SHKBP1: variants seen among roughly 807,000 people sequenced by gnomAD.
SHKBP1 encodes SH3KBP1 binding protein 1.
SHKBP1 carries 71 observed loss-of-function variants against 83.9 expected under a neutral mutation model. The observed-to-expected ratio is 0.85, with a 90% CI of 0.70 to 1.03. The LOEUF is 1.03. Among genes scored for constraint, SHKBP1 ranks in the 50% least tolerant of loss-of-function variants. SHKBP1 has a pLI of 0.00. For missense variants in SHKBP1, 824 were observed against 982.4 expected (o/e 0.84, Z 2.16); for synonymous variants, 371 against 398.0 (o/e 0.93, Z 0.81).
rs867695405 is a variant in SHKBP1 at position 40,578,180 on chromosome 19, A to T, written c.287A>T (p.His96Leu). The change falls in exon 5 of 18, where the codon CAT becomes CTT. Residue 96 changes from histidine to leucine, a missense_variant. Transcript: ENST00000291842. ...GGTGTCCACGGTTCCAGCCTCCTCCATGAAGCCCAGTTCTATGGGCTCACT... is the reference window on the plus strand; with the variant it reads ...GGTGTCCACGGTTCCAGCCTCCTCCTTGAAGCCCAGTTCTATGGGCTCACT... ...PRGVHGSSLL[H>L]EAQFYGLTPL... 6.2e-7 allele frequency: 1 copy of T among 1,614,100 alleles called. No homozygotes were observed. Among genetic ancestry groups the T allele is most frequent in the East Asian group, 2.2e-5 (1 of 44,888 alleles).
At position 40,588,792 on chromosome 19, in the gene SHKBP1, T is replaced by A. The variant is rs1301009814; in HGVS notation, c.1492+13T>A. On this transcript the variant is annotated intron_variant, in intron 14 of 17. Transcript: ENST00000291842. The stretch of plus-strand genomic sequence containing the variant: ...GGCAATGACATTGGTGCCTACTGGC[T>A]CCTGGCCTTCCCACCCCACTGACCC... 6.2e-7 allele frequency: 1 copy of A among 1,611,396 alleles called. No individual in the cohort carries two copies. Among genetic ancestry groups the A allele is most frequent in the Admixed American group, 1.7e-5 (1 of 59,978 alleles).
intron 4 of SHKBP1, 107 bp downstream of exon 4, chr19:40,577,737 T>C (rs2081230543): frequency 7.2e-7 from 1 of 1,384,920 alleles, no homozygotes; most frequent in Non-Finnish European, 1.0e-6. Context: ...AGAATTCTCA[T>C]TCAGAACCTT....
Position 40,591,226 on chromosome 19 carries a change from T to A in SHKBP1, c.*19T>A. On this transcript the variant is annotated 3_prime_UTR_variant, in exon 18 of 18. Transcript: ENST00000291842. ...CTTTTGAACAACGCAGCTGCCATGA[T>A]GCCTTGGGATGCCCTGGTCCTGGGG... is the stretch of plus-strand genomic sequence containing the variant. 1 of 1,550,244 alleles carries A rather than the reference T, an allele frequency of 6.5e-7. No homozygotes were observed. Among genetic ancestry groups the A allele is most frequent in the Non-Finnish European group, 8.8e-7 (1 of 1,138,598 alleles).
Position 40,587,180 on chromosome 19 carries a change from C to T in SHKBP1, c.1336+236C>T, listed in dbSNP as rs1199312533. Among the ~76,000 whole-genome samples, 10 of 152,244 alleles carry T rather than the reference C, an allele frequency of 6.6e-5. No individual in the cohort carries two copies. In the East Asian group the frequency reaches 1.2e-3, roughly 18 times the overall value. On this transcript the variant is annotated intron_variant, in intron 13 of 17. Coordinates refer to ENST00000291842, the MANE Select transcript of SHKBP1 (RefSeq NM_138392.4). ...AATCCATCAATTCAGCAACGATTTA[C>T]GGGGCACCCACCATGTGCCAGGCAT...
At chr19:40,588,879 T>G in intron 14 of SHKBP1, 100 bp downstream of exon 14, 1 of 1,483,770 alleles carries the variant, frequency 6.7e-7, no homozygotes, top group Non-Finnish European at 9.1e-7. Context: ...CCCAGGAGCC[T>G]GCAACGATTG....
At chr19:40,584,099 C>G (rs1370894536) in intron 12 of SHKBP1, among the ~76,000 whole-genome samples, 1 of 152,154 alleles carries the variant, frequency 6.6e-6, no homozygotes, top group African/African-American at 2.4e-5. Flanking sequence ...CCTCAGCCCC[C>G]CAAAGTACTG....
Position 40,591,262 on chromosome 19 carries a change from C to T in SHKBP1, c.*55C>T. The T allele has an allele frequency of 1.4e-6, 2 of 1,456,386 alleles. No individual in the cohort carries two copies. Among genetic ancestry groups the T allele is most frequent in the Non-Finnish European group, 1.9e-6 (2 of 1,080,536 alleles). 90.2% of individuals were successfully genotyped at this position (1,456,386 alleles called of 1,614,324 possible). On this transcript the variant is annotated 3_prime_UTR_variant, in exon 18 of 18. Coordinates refer to ENST00000291842, the MANE Select transcript of SHKBP1 (RefSeq NM_138392.4). ...GCCCTGGTCCTGGGGGACTCAGGTG[C>T]CTCCCTGATTCCTGTGGGAACCCCG...
intron 15 of SHKBP1, among the ~76,000 whole-genome samples, chr19:40,589,690 G>A (rs2081341848): frequency 6.6e-6 from 1 of 151,942 alleles, no homozygotes; most frequent in East Asian, 1.9e-4. Context: ...GGACAAGTAG[G>A]AAGGAGCAGA....
chr19:40,581,296 A>G (rs972444183), intron 9 of SHKBP1, among the ~76,000 whole-genome samples: 1 of 152,116 alleles, frequency 6.6e-6, no homozygotes, highest in Non-Finnish European at 1.5e-5. Flanking sequence ...AGATCACTTG[A>G]GGTCAGGAGT....
At chr19:40,580,695 T>A (rs368720641) in intron 8 of SHKBP1, 39 bp downstream of exon 8, 4 of 1,613,510 alleles carry the variant, frequency 2.5e-6, no homozygotes, top group African/African-American at 2.7e-5. Flanking sequence ...CCAGCCCTGT[T>A]GATGGGAAGG....
In SHKBP1 at chr19:40,590,292, A is replaced by C; in HGVS notation, c.1638A>C (p.Thr546=). ...SVDGSPTTAF[T]VLECEGSRRL... Reference sequence around the variant, plus strand: ...ACGGCTCACCCACGACAGCCTTCACAGTGCTGGAGTGCGAGGGCTCCCGGC... The same window carrying C: ...ACGGCTCACCCACGACAGCCTTCACCGTGCTGGAGTGCGAGGGCTCCCGGC... Residue 546 remains threonine, a synonymous_variant, in exon 16 of 18, where the codon ACA becomes ACC. Coordinates refer to ENST00000291842, the MANE Select transcript of SHKBP1 (RefSeq NM_138392.4). The surrounding 1 kb of genome is among the most constrained non-coding windows in gnomAD (Gnocchi z 4.6). The C allele has an allele frequency of 6.2e-7, 1 of 1,608,068 alleles. No homozygotes were observed. The highest frequency in any genetic ancestry group is 2.2e-5 in the East Asian group (1 of 44,680).
At chr19:40,577,965 A>G in intron 4 of SHKBP1, 189 bp from the exon 5 acceptor site, 1 of 663,676 alleles carries the variant, frequency 1.5e-6, no homozygotes, top group Non-Finnish European at 2.7e-6. Flanking sequence ...ACACACACAC[A>G]CACACACACA....
intron 1 of SHKBP1, 62 bp from the exon 2 acceptor site, chr19:40,577,169 G>A: frequency 6.3e-7 from 1 of 1,592,532 alleles, no homozygotes; most frequent in Non-Finnish European, 8.6e-7. Context: ...TCCTGCGGGA[G>A]GGGGACGCAT....
rs564520760 is a variant in SHKBP1, at chr19:40,578,238, C to T, written c.319+26C>T. The T allele has an allele frequency of 7.4e-5, 119 of 1,609,932 alleles. 2 individuals carry two copies. The Middle Eastern group carries it at 8.3e-4, about 11-fold the overall frequency. On this transcript the variant is annotated intron_variant, in intron 5 of 17. Transcript: ENST00000291842. ...GTAAGTGGGAGCCCCCAGCTATCAT[C>T]CTCATTGTATAGAAAACCAACTCTG...
chr19:40,587,075 G>A (rs749895059), intron 13 of SHKBP1, 131 bp downstream of exon 13: 22 of 804,284 alleles, frequency 2.7e-5, no homozygotes, highest in Non-Finnish European at 3.9e-5. Flanking sequence ...GGATTGACCT[G>A]GGATGGGACT....
chr19:40,590,879 T>G lies in SHKBP1; in HGVS notation c.1892+26T>G. On this transcript the variant is annotated intron_variant, in intron 17 of 17. Transcript: ENST00000291842. The surrounding 1 kb of genome is among the most constrained non-coding windows in gnomAD (Gnocchi z 4.6). ...GTAGCCACAACTCCACTGCCCCTTC[T>G]GTGCAATGAGGGGAGAGGGGACAGC... The G allele has an allele frequency of 6.4e-7, 1 of 1,571,704 alleles. No individual in the cohort carries two copies. Among genetic ancestry groups the G allele is most frequent in the Non-Finnish European group, 8.7e-7 (1 of 1,150,358 alleles).
rs371070775 is a variant in SHKBP1, at chr19:40,582,868, CAGAG to C, written c.960+405_960+408del. ...AGACAGACAGAGGCAGAGAAAGAGACAGAGAGGCAGAAAACCAGGCAAATAGAAA... is the reference window on the plus strand; with the variant it reads ...AGACAGACAGAGGCAGAGAAAGAGACAGGCAGAAAACCAGGCAAATAGAAA... On this transcript the variant is annotated intron_variant, in intron 10 of 17. Coordinates refer to ENST00000291842, the MANE Select transcript of SHKBP1 (RefSeq NM_138392.4). Among the ~76,000 whole-genome samples the C allele has an allele frequency of 3.0e-3, 448 of 151,292 alleles. 2 individuals carry two copies. Among genetic ancestry groups the C allele is most frequent in the Middle Eastern group, 6.8e-3 (2 of 292 alleles).
At chr19:40,582,494 C>T (rs769845059) in intron 10 of SHKBP1, 28 bp downstream of exon 10, 3 of 1,597,716 alleles carry the variant, frequency 1.9e-6, no homozygotes, top group East Asian at 2.2e-5. Context: ...CCTGGCTGCC[C>T]CCTTCCCAGT....
In SHKBP1 at chr19:40,580,887, C is replaced by T. The variant is rs779247068; in HGVS notation, c.795C>T (p.Ser265=). 25 of 1,609,826 alleles carry T rather than the reference C, an allele frequency of 1.6e-5. No homozygotes were observed. The Middle Eastern group carries it at 1.3e-3, about 85-fold the overall frequency. The part of the protein sequence containing the change: ...HDKMVAAATG[S]EILLWALQAE... ...AGATGGTGGCAGCAGCCACCGGCAGCGAGATCCTGCTATGGGCTCTGCAGG... is the reference window on the plus strand; with the variant it reads ...AGATGGTGGCAGCAGCCACCGGCAGTGAGATCCTGCTATGGGCTCTGCAGG... Residue 265 remains serine (S), a synonymous_variant, in exon 9 of 18, where the codon AGC becomes AGT. Transcript: ENST00000291842.
Sources: gnomAD v4.1 joint callset for allele counts (sites outside exome capture counted in the v4.1 genomes callset) on GRCh38, gnomAD v4.1.1 for gene constraint, Gnocchi (gnomAD v3.1) non-coding constraint, MANE v1.5 for transcripts, NCBI Gene and HGNC (gene_info 2026-07-23, HGNC 2026-07-21) for gene names.